Variants in PIP5K1C observed in about 807,000 individuals in gnomAD.
PIP5K1C encodes phosphatidylinositol 4-phosphate 5-kinase type-1 gamma.
Under a neutral mutation model 80.1 loss-of-function variants are expected in PIP5K1C, and 45 were observed. That is an observed-to-expected ratio of 0.56 (90% CI 0.44 to 0.72). The LOEUF (loss-of-function observed/expected upper bound fraction) is 0.72, where lower values mean the gene tolerates loss of function less well. Ranked by LOEUF, PIP5K1C falls within the 30% of genes least tolerant of loss-of-function variation. The probability of loss-of-function intolerance (pLI) is 0.00; values close to 1 mark genes in which losing one functional copy is unlikely to be tolerated. For missense variants in PIP5K1C, 753 were observed against 954.6 expected (o/e 0.79, Z 2.78); for synonymous variants, 498 against 420.1 (o/e 1.19, Z -2.27).
intron 1 of PIP5K1C, among the ~76,000 whole-genome samples, chr19:3,691,889 G>A (rs2035961742): frequency 6.6e-6 from 1 of 152,174 alleles, no homozygotes; most frequent in African/African-American, 2.4e-5. Flanking sequence ...GGGGATGTTT[G>A]TTTTAGCAGC....
intron 15 of PIP5K1C, among the ~76,000 whole-genome samples, chr19:3,640,606 T>A (rs1159470136): frequency 1.3e-5 from 2 of 152,210 alleles, no homozygotes; most frequent in Admixed American, 1.3e-4. Flanking sequence ...CAGATATTTC[T>A]TTTAAGCCTT....
rs144238753 is a variant in PIP5K1C at position 3,666,425 on chromosome 19, G to A, written c.126+897C>T. On this transcript the variant is annotated intron_variant, in intron 2 of 17. Coordinates refer to ENST00000335312, the MANE Select transcript of PIP5K1C (RefSeq NM_012398.3). ...GCAGAGAAAGCTCTCGGGAGGAGAC[G>A]GGCAGCAATGACAGGACCCATGTAC... Among the ~76,000 whole-genome samples, 160 of 152,354 alleles carry A rather than the reference G, an allele frequency of 1.1e-3. 1 individual carries two copies. Among genetic ancestry groups the A allele is most frequent in the African/African-American group, 3.7e-3 (154 of 41,588 alleles).
Position 3,700,393 on chromosome 19 carries a change from CCG to C in PIP5K1C, c.-5_-4del. 8.8e-7 allele frequency: 1 copy of C among 1,142,010 alleles called. No homozygotes were observed. The highest frequency in any genetic ancestry group is 1.1e-6 in the Non-Finnish European group (1 of 926,108). The allele number at this position is 1,142,010 out of a possible 1,614,324, so 70.7% of individuals were successfully genotyped here. A position where few individuals can be genotyped will look rare whatever the true frequency, so the allele number is the denominator to read the frequency against. On this transcript the variant is annotated 5_prime_UTR_variant, in exon 1 of 18. Coordinates refer to ENST00000335312, the MANE Select transcript of PIP5K1C (RefSeq NM_012398.3). ...TCGTCCGGTACCTCCAGCTCCATGG[CCG>C]CGCGCGGACGGCGGCGGGGGCGCCC...
chr19:3,672,796 G>A (rs2145536966), intron 1 of PIP5K1C, among the ~76,000 whole-genome samples: 1 of 152,318 alleles, frequency 6.6e-6, no homozygotes, highest in South Asian at 2.1e-4. Context: ...AGGGCACTGT[G>A]ACAGCAGGCA....
chr19:3,662,313 A>G (rs2034860172), intron 3 of PIP5K1C, among the ~76,000 whole-genome samples: 1 of 152,232 alleles, frequency 6.6e-6, no homozygotes, highest in African/African-American at 2.4e-5. Context: ...ATTTTGAAAC[A>G]GCTCCAACTT....
chr19:3,637,670 G>A lies in PIP5K1C; in HGVS notation c.1920+1214C>T, dbSNP rs2033757125. 3 of 1,510,226 alleles carry A rather than the reference G, an allele frequency of 2.0e-6. No homozygotes were observed. Among genetic ancestry groups the A allele is most frequent in the Non-Finnish European group, 8.8e-7 (1 of 1,132,816 alleles). The allele number at this position is 1,510,226 out of a possible 1,614,324, so 93.6% of individuals were successfully genotyped here. A position where few individuals can be genotyped will look rare whatever the true frequency, so the allele number is the denominator to read the frequency against. On this transcript the variant is annotated intron_variant, in intron 16 of 17. Transcript: ENST00000335312. This position sits in a 1 kb window ranked among gnomAD's most constrained non-coding sequence, Gnocchi z 7.0. Reference sequence around the variant, plus strand: ...GGAAGGAAAACAGAGGACAGCGGATGAGGCGGCCACCCCCGTGGTCGGGTG... The same window carrying A: ...GGAAGGAAAACAGAGGACAGCGGATAAGGCGGCCACCCCCGTGGTCGGGTG...
In PIP5K1C at chr19:3,641,726, A is replaced by G; in HGVS notation, c.1766T>C (p.Val589Ala). 1 of 1,609,598 alleles carries G rather than the reference A, an allele frequency of 6.2e-7. No individual in the cohort carries two copies. Among genetic ancestry groups the G allele is most frequent in the Non-Finnish European group, 8.5e-7 (1 of 1,179,924 alleles). ...TCACCCTGCGTCCTCCTCTTTGGGGACCACAATCTCCACGCTGCACGCAGG... is the reference window on the plus strand; with the variant it reads ...TCACCCTGCGTCCTCCTCTTTGGGGGCCACAATCTCCACGCTGCACGCAGG... ...VEPACSVEIV[V>A]PKEEDAGVEA... The change falls in exon 15 of 18, where the codon GTC becomes GCC. Residue 589 changes from valine to alanine, a missense_variant. Transcript: ENST00000335312.
intron 15 of PIP5K1C, 46 bp from the exon 16 acceptor site, chr19:3,639,062 C>T (rs202050047): frequency 2.6e-5 from 41 of 1,601,396 alleles, no homozygotes; most frequent in South Asian, 1.1e-4. Flanking sequence ...AGGCCCCACA[C>T]GGAGACTCCC....
rs531335026 is a variant in PIP5K1C at position 3,635,675 on chromosome 19, T to TC, written c.1921-2156dup. ...TCCAGCCTGGGTGACAGAGTGAGAC[T>TC]CCATCTCAAAAAAAACAAACAAGGC... is the stretch of plus-strand genomic sequence containing the variant. On this transcript the variant is annotated intron_variant, in intron 16 of 17. Transcript: ENST00000335312. Among the ~76,000 whole-genome samples the TC allele has an allele frequency of 1.1e-3, 168 of 149,338 alleles. 2 individuals carry two copies. Among genetic ancestry groups the TC allele is most frequent in the African/African-American group, 4.1e-3 (164 of 40,304 alleles).
At position 3,696,975 on chromosome 19, in the gene PIP5K1C, C is replaced by G. The variant is rs987344245; in HGVS notation, c.94+3322G>C. Reference sequence around the variant, plus strand: ...GGGGCAAAGGAGGACTGAGCTGGACCGAGGAGGACTGAGCTGGACGGAGGA... The same window carrying G: ...GGGGCAAAGGAGGACTGAGCTGGACGGAGGAGGACTGAGCTGGACGGAGGA... On this transcript the variant is annotated intron_variant, in intron 1 of 17. Coordinates refer to ENST00000335312, the MANE Select transcript of PIP5K1C (RefSeq NM_012398.3). The surrounding 1 kb of genome is among the most constrained non-coding windows in gnomAD (Gnocchi z 4.1). 6.6e-6 allele frequency among the ~76,000 whole-genome samples: 1 copy of G among 151,854 alleles called. No homozygotes were observed. Among genetic ancestry groups the G allele is most frequent in the Non-Finnish European group, 1.5e-5 (1 of 67,912 alleles).
Position 3,643,258 on chromosome 19 carries a change from T to C in PIP5K1C, c.1634A>G (p.Glu545Gly). Residue 545 changes from glutamate (E) to glycine (G), a missense_variant, in exon 13 of 18, where the codon GAG (glutamate) becomes GGG (glycine). Transcript: ENST00000335312. ...CCTCGCCCACCTGTACCGCGGCTGC[T>C]CCGACGTCTCCGAGGGGGACCGCTC... ...IPERSPSETS[E>G]QPRYRRRTQS... is the part of the protein sequence containing the mutation. The C allele has an allele frequency of 6.2e-7, 1 of 1,613,390 alleles. No homozygotes were observed. The highest frequency in any genetic ancestry group is 1.1e-5 in the South Asian group (1 of 91,082).
At chr19:3,661,152 C>A in intron 4 of PIP5K1C, 69 bp from the exon 5 acceptor site, 4 of 1,048,002 alleles carry the variant, frequency 3.8e-6, no homozygotes, top group Non-Finnish European at 6.0e-6. Context: ...CCGCCATGGT[C>A]CCTCCTAGTG....
In PIP5K1C at chr19:3,632,960, G is replaced by A; in HGVS notation, c.*207C>T. On this transcript the variant is annotated 3_prime_UTR_variant, in exon 18 of 18. Coordinates refer to ENST00000335312, the MANE Select transcript of PIP5K1C (RefSeq NM_012398.3). ...GCTCGGGAGGGTGGGTCTCACAGGG[G>A]CAGGCTGCCGACCGGGGTGCCGGGG... 7.5e-6 allele frequency: 4 copies of A among 531,822 alleles called. No homozygotes were observed. The highest frequency in any genetic ancestry group is 1.3e-5 in the Non-Finnish European group (4 of 300,144). 32.9% of individuals were successfully genotyped at this position (531,822 alleles called of 1,614,324 possible). A position where few individuals can be genotyped will look rare whatever the true frequency, so the allele number is the denominator to read the frequency against.
chr19:3,638,123 A>C, intron 16 of PIP5K1C: 1 of 1,313,470 alleles, frequency 7.6e-7, no homozygotes, highest in Non-Finnish European at 1.0e-6. Context: ...GGTGAGAACA[A>C]ACCATCTGGG....
intron 1 of PIP5K1C, among the ~76,000 whole-genome samples, chr19:3,674,643 T>A (rs1242121559): frequency 6.6e-6 from 1 of 152,240 alleles, no homozygotes; most frequent in African/African-American, 2.4e-5. Context: ...TAGCTGGGAC[T>A]ACAGGCACGC....
rs2034304068 is a variant in PIP5K1C at position 3,648,058 on chromosome 19, G to C, written c.1211+567C>G. ...TTTTTTTGGGACAGGGTCTTGCTCT[G>C]TCACCCAGCCTGGGGTGCAGTACGG... On this transcript the variant is annotated intron_variant, in intron 9 of 17. Transcript: ENST00000335312. This position sits in a 1 kb window ranked among gnomAD's most constrained non-coding sequence, Gnocchi z 4.3. Among the ~76,000 whole-genome samples the C allele has an allele frequency of 1.3e-5, 2 of 152,032 alleles. No homozygotes were observed. Among genetic ancestry groups the C allele is most frequent in the South Asian group, 4.1e-4 (2 of 4,822 alleles).
At position 3,630,186 on chromosome 19, in the gene PIP5K1C, TTATTA is replaced by T. The variant is rs2033431777; in HGVS notation, c.*2976_*2980del. ...CACAGAAAGGCAAACAGGCGGATGC[TTATTA>T]CCCGATTTATTAGAGAGATCTCTAA... is the stretch of plus-strand genomic sequence containing the variant. On this transcript the variant is annotated 3_prime_UTR_variant, in exon 18 of 18. Coordinates refer to ENST00000335312, the MANE Select transcript of PIP5K1C (RefSeq NM_012398.3). The T allele has an allele frequency of 6.6e-6, 1 of 152,326 alleles. No homozygotes were observed. The highest frequency in any genetic ancestry group is 2.4e-5 in the African/African-American group (1 of 41,402). 9.4% of individuals were successfully genotyped at this position (152,326 alleles called of 1,614,324 possible). A position where few individuals can be genotyped will look rare whatever the true frequency, so the allele number is the denominator to read the frequency against.
In PIP5K1C at chr19:3,692,029, G is replaced by A. The variant is rs981764679; in HGVS notation, c.94+8268C>T. Among the ~76,000 whole-genome samples the A allele has an allele frequency of 1.3e-5, 2 of 152,200 alleles. No individual in the cohort carries two copies. The highest frequency in any genetic ancestry group is 4.8e-5 in the African/African-American group (2 of 41,434). On this transcript the variant is annotated intron_variant, in intron 1 of 17. Coordinates refer to ENST00000335312, the MANE Select transcript of PIP5K1C (RefSeq NM_012398.3). The surrounding 1 kb of genome is among the most constrained non-coding windows in gnomAD (Gnocchi z 5.2). ...AGCGCATGCACCGTGGCCAGTCCAA[G>A]CACCGCACGGGAAGGGTGCACAGTG...
At chr19:3,643,941 C>A in intron 12 of PIP5K1C, 146 bp downstream of exon 12, 1 of 963,730 alleles carries the variant, frequency 1.0e-6, no homozygotes, top group Non-Finnish European at 1.5e-6. Flanking sequence ...GTCCCAGCAG[C>A]CCCCACTCCC....
Sources: gnomAD v4.1 joint callset for allele counts (sites outside exome capture counted in the v4.1 genomes callset) on GRCh38, gnomAD v4.1.1 for gene constraint, Gnocchi (gnomAD v3.1) non-coding constraint, MANE v1.5 for transcripts, NCBI Gene and HGNC (gene_info 2026-07-23, HGNC 2026-07-21) for gene names.